DPP10: variants seen among roughly 807,000 people sequenced by gnomAD.
DPP10 encodes the protein dipeptidyl peptidase like 10, also known as inactive dipeptidyl peptidase 10.
Under a neutral mutation model 120.9 loss-of-function variants are expected in DPP10, and 33 were observed. The ratio of observed to expected loss-of-function variants is 0.27; its 90% CI spans 0.21 to 0.37. The LOEUF is 0.37. Ranked by LOEUF, DPP10 falls within the 10% of genes least tolerant of loss-of-function variation. DPP10 has a pLI of 1.00. For synonymous variants in DPP10, 337 were observed against 326.1 expected, an observed-to-expected ratio of 1.03 and a Z score of -0.36; for missense variants, 816 against 942.8, an observed-to-expected ratio of 0.87 and a Z score of 1.76.
intron 2 of DPP10, among the ~76,000 whole-genome samples, chr2:115,311,652 G>A (rs929325322): frequency 1.1e-4 from 17 of 151,958 alleles, no homozygotes; most frequent in South Asian, 2.1e-4. Context: ...CTCCAATCCC[G>A]TTACACAAAT....
intron 1 of DPP10, among the ~76,000 whole-genome samples, chr2:114,607,213 G>A (rs1236778938): frequency 1.3e-5 from 2 of 152,138 alleles, no homozygotes; most frequent in African/African-American, 2.4e-5. Flanking sequence ...GAAGTCCAGA[G>A]GGAACACAGT....
intron 1 of DPP10, among the ~76,000 whole-genome samples, chr2:115,290,433 C>T (rs2060606671): frequency 6.6e-6 from 1 of 151,996 alleles, no homozygotes; most frequent in Non-Finnish European, 1.5e-5. Context: ...TGTGATTAAG[C>T]AAATATAACA....
intron 1 of DPP10, among the ~76,000 whole-genome samples, chr2:114,993,888 A>G (rs1346632562): frequency 6.6e-6 from 1 of 152,118 alleles, no homozygotes; most frequent in Non-Finnish European, 1.5e-5. Flanking sequence ...AACTATGTCA[A>G]TGAGTGCTGA....
intron 7 of DPP10, among the ~76,000 whole-genome samples, chr2:115,695,506 G>A (rs979940519): frequency 2.6e-5 from 4 of 152,098 alleles, no homozygotes; most frequent in African/African-American, 9.7e-5. Flanking sequence ...GGGCAGGAGG[G>A]CATGTGCAAG....
At chr2:114,615,542 G>T (rs1693612248) in intron 1 of DPP10, among the ~76,000 whole-genome samples, 1 of 152,132 alleles carries the variant, frequency 6.6e-6, no homozygotes, top group Non-Finnish European at 1.5e-5. Context: ...CAATTGCCCT[G>T]TGTATGAAAA....
chr2:115,675,096 A>T (rs1039333356), intron 5 of DPP10, among the ~76,000 whole-genome samples: 3 of 152,174 alleles, frequency 2.0e-5, no homozygotes, highest in African/African-American at 7.2e-5. Flanking sequence ...ATAACCTCCC[A>T]TCTTTTAAAA....
chr2:115,016,510 TAACTA>T (rs1702648729), intron 1 of DPP10, among the ~76,000 whole-genome samples: 1 of 152,004 alleles, frequency 6.6e-6, no homozygotes, highest in East Asian at 1.9e-4. Context: ...AAATGGGAGC[TAACTA>T]AACTAAAGAG....
chr2:115,725,083 C>T (rs142342298), intron 7 of DPP10, among the ~76,000 whole-genome samples: 7 of 152,044 alleles, frequency 4.6e-5, no homozygotes, highest in African/African-American at 1.2e-4. Context: ...CCATATCAGG[C>T]GACTCACTGA....
At chr2:114,718,024 T>A (rs1701465248) in intron 1 of DPP10, among the ~76,000 whole-genome samples, 2 of 152,080 alleles carry the variant, frequency 1.3e-5, no homozygotes, top group Non-Finnish European at 2.9e-5. Context: ...AGAAATTATC[T>A]CTTTCTATGT....
At chr2:115,147,783 T>G (rs1034099699) in intron 1 of DPP10, among the ~76,000 whole-genome samples, 1 of 152,134 alleles carries the variant, frequency 6.6e-6, no homozygotes, top group African/African-American at 2.4e-5. Flanking sequence ...CAGGGATGCA[T>G]GGCTTCTTTG....
At chr2:115,555,291 T>C (rs1488519091) in intron 5 of DPP10, among the ~76,000 whole-genome samples, 1 of 152,126 alleles carries the variant, frequency 6.6e-6, no homozygotes, top group Non-Finnish European at 1.5e-5. Context: ...AGCTGTGGCA[T>C]GTGAATTAAA....
intron 1 of DPP10, among the ~76,000 whole-genome samples, chr2:115,260,679 A>G (rs1452938918): frequency 6.6e-6 from 1 of 152,220 alleles, no homozygotes; most frequent in African/African-American, 2.4e-5. Context: ...TTAAAATGGC[A>G]AAAGCAAAGG....
chr2:115,218,642 G>A (rs1464173088), intron 1 of DPP10, among the ~76,000 whole-genome samples: 4 of 152,032 alleles, frequency 2.6e-5, no homozygotes, highest in Non-Finnish European at 5.9e-5. Context: ...TGAGAATGCT[G>A]TGAGTGAAAT....
At chr2:114,971,163 G>A (rs1158766340) in intron 1 of DPP10, among the ~76,000 whole-genome samples, 6 of 152,094 alleles carry the variant, frequency 3.9e-5, no homozygotes, top group African/African-American at 7.2e-5. Context: ...AGCTTAGGGC[G>A]GTCTTGCAAA....
At chr2:114,494,789 A>G (rs1442117417) in intron 1 of DPP10, among the ~76,000 whole-genome samples, 1 of 152,186 alleles carries the variant, frequency 6.6e-6, no homozygotes, top group African/African-American at 2.4e-5. Flanking sequence ...GCAAAAGATA[A>G]TGAATATTTT....
chr2:114,551,301 C>A (rs2104873076), intron 1 of DPP10, among the ~76,000 whole-genome samples: 1 of 152,260 alleles, frequency 6.6e-6, no homozygotes, highest in African/African-American at 2.4e-5. Flanking sequence ...CCCATCATGC[C>A]CGCTGCCCCC....
chr2:115,677,882 A>T (rs141312773), intron 5 of DPP10, among the ~76,000 whole-genome samples: 1 of 152,240 alleles, frequency 6.6e-6, no homozygotes, highest in Non-Finnish European at 1.5e-5. Flanking sequence ...GAGTCAAGAA[A>T]CATAGGTCTT....
chr2:115,114,565 C>T (rs961021630), intron 1 of DPP10, among the ~76,000 whole-genome samples: 1 of 152,178 alleles, frequency 6.6e-6, no homozygotes, highest in Non-Finnish European at 1.5e-5. Flanking sequence ...TGCCACCAAA[C>T]ACCCCACTTT....
intron 1 of DPP10, among the ~76,000 whole-genome samples, chr2:114,992,186 C>A: frequency 6.6e-6 from 1 of 152,186 alleles, no homozygotes; most frequent in East Asian, 1.9e-4. Context: ...AGAAGTGTCA[C>A]AAAGGAAAGA....
Sources: allele counts gnomAD v4.1 joint callset (sites outside exome capture counted in the v4.1 genomes callset), GRCh38; gene constraint gnomAD v4.1.1; transcripts MANE v1.5; gene names NCBI Gene and HGNC (gene_info 2026-07-23, HGNC 2026-07-21).